The following EFR3B variants were observed in gnomAD, a reference collection of about 807,000 sequenced individuals.
The protein encoded by EFR3B is protein EFR3 homolog B.
A neutral mutation model predicts 104.7 loss-of-function variants in EFR3B; 64 were observed. The observed-to-expected ratio is 0.61, with a 90% confidence interval of 0.50 to 0.75. EFR3B has a LOEUF of 0.75. Ranked by LOEUF, EFR3B falls within the 30% of genes least tolerant of loss-of-function variation. The pLI is 0.00. For synonymous variants in EFR3B, 385 were observed against 417.9 expected, an observed-to-expected ratio of 0.92 and a Z score of 0.96; for missense variants, 750 against 1,078.5, an observed-to-expected ratio of 0.70 and a Z score of 4.27.
chr2:25,114,062 G>T lies in EFR3B; in HGVS notation c.364-7611G>T, dbSNP rs1669796596. ...AAAGGGCTTACTCGCTCTAAAACCG[G>T]AGAGTCCCAACCTCATCTCAGCCAG... On this transcript the variant is annotated intron_variant, in intron 4 of 22. Transcript: ENST00000403714. The surrounding 1 kb of genome is among the most constrained non-coding windows in gnomAD (Gnocchi z 4.0). Among the ~76,000 whole-genome samples, 1 of 152,162 alleles carries T rather than the reference G, an allele frequency of 6.6e-6. No homozygotes were observed. The highest frequency in any genetic ancestry group is 2.4e-5 in the African/African-American group (1 of 41,426).
chr2:25,091,268 C>T, intron 1 of EFR3B, 57 bp from the exon 2 acceptor site: 4 of 1,523,272 alleles, frequency 2.6e-6, no homozygotes, highest in Non-Finnish European at 1.8e-6. Flanking sequence ...CTGGCTCCAA[C>T]CTTTCCTGGG....
At chr2:25,149,813 T>C (rs1254532265) in intron 20 of EFR3B, 71 bp downstream of exon 20, 1 of 1,372,978 alleles carries the variant, frequency 7.3e-7, no homozygotes, top group African/African-American at 1.4e-5. Flanking sequence ...TTCCTGCAGA[T>C]GCAGCAGGAC....
chr2:25,138,523 C>A (rs995022638), intron 15 of EFR3B, among the ~76,000 whole-genome samples: 3 of 152,214 alleles, frequency 2.0e-5, no homozygotes, highest in Non-Finnish European at 4.4e-5. Context: ...GTGACAGTCT[C>A]AGACCACCTG....
rs115061762 is a variant in EFR3B at position 25,115,601 on chromosome 2, A to G, written c.364-6072A>G. On this transcript the variant is annotated intron_variant, in intron 4 of 22. Transcript: ENST00000403714. ...TCTGCACGTTACCTTATATGGAAAC[A>G]GGGTCTTGGCGGCTGTGATTAAATT... Among the ~76,000 whole-genome samples the G allele has an allele frequency of 3.4e-3, 520 of 152,356 alleles. 7 individuals are homozygous for G. The highest frequency in any genetic ancestry group is 0.012 in the African/African-American group (500 of 41,580).
rs6751851 is a variant in EFR3B, at chr2:25,158,279, G to A, written c.*3939G>A. ...GCAGCTGGCCGGTTGGGGTCCTGTGGGAAAGGGCTAACCTGGGCTGTTAGG... is the reference window on the plus strand; with the variant it reads ...GCAGCTGGCCGGTTGGGGTCCTGTGAGAAAGGGCTAACCTGGGCTGTTAGG... On this transcript the variant is annotated 3_prime_UTR_variant, in exon 23 of 23. Coordinates refer to ENST00000403714, the MANE Select transcript of EFR3B (RefSeq NM_014971.2). 17,976 of 152,456 alleles carry A rather than the reference G, an allele frequency of 0.12. 2,007 individuals are homozygous for A. The highest frequency in any genetic ancestry group is 0.31 in the East Asian group (1,606 of 5,174). The allele number at this position is 152,456 out of a possible 1,614,324, so 9.4% of individuals were successfully genotyped here.
chr2:25,113,293 A>G (rs1400276877), intron 4 of EFR3B, among the ~76,000 whole-genome samples: 1 of 152,232 alleles, frequency 6.6e-6, no homozygotes, highest in East Asian at 1.9e-4. Flanking sequence ...GATCTCATGC[A>G]TTAGAACTCG....
rs1671122191 is a variant in EFR3B at position 25,155,021 on chromosome 2, T to TC, written c.*684dup. 6.6e-6 allele frequency: 1 copy of TC among 152,306 alleles called. No individual in the cohort carries two copies. The highest frequency in any genetic ancestry group is 2.4e-5 in the African/African-American group (1 of 41,438). 9.4% of individuals were successfully genotyped at this position (152,306 alleles called of 1,614,324 possible). ...CAGCAGGCCCAGCGGGCGAGTGTGGTCCCTGCAGCAGCTTCCCACCTCCTT... is the reference window on the plus strand; with the variant it reads ...CAGCAGGCCCAGCGGGCGAGTGTGGTCCCCTGCAGCAGCTTCCCACCTCCTT... On this transcript the variant is annotated 3_prime_UTR_variant, in exon 23 of 23. Coordinates refer to ENST00000403714, the MANE Select transcript of EFR3B (RefSeq NM_014971.2).
chr2:25,080,398 G>A (rs1203893302), intron 1 of EFR3B: 29 of 520,370 alleles, frequency 5.6e-5, no homozygotes, highest in African/African-American at 3.3e-4. Context: ...ATGTTCGAGC[G>A]ATTCTGCTGC....
At chr2:25,135,744 T>C in intron 13 of EFR3B, 105 bp downstream of exon 13, 1 of 1,311,664 alleles carries the variant, frequency 7.6e-7, no homozygotes, top group South Asian at 1.4e-5. Context: ...CACCTCAGTA[T>C]CTGAGTATTG....
At chr2:25,098,814 C>G (rs1219281476) in intron 3 of EFR3B, among the ~76,000 whole-genome samples, 1 of 148,666 alleles carries the variant, frequency 6.7e-6, no homozygotes, top group Non-Finnish European at 1.5e-5. Flanking sequence ...CCACTTTCCA[C>G]TCCTGGTAAG....
In EFR3B at chr2:25,130,802, C is replaced by T. The variant is rs1402052830; in HGVS notation, c.849+172C>T. Among the ~76,000 whole-genome samples, 4 of 152,182 alleles carry T rather than the reference C, an allele frequency of 2.6e-5. No individual in the cohort carries two copies. The highest frequency in any genetic ancestry group is 1.9e-4 in the East Asian group (1 of 5,204). On this transcript the variant is annotated intron_variant, in intron 8 of 22. Coordinates refer to ENST00000403714, the MANE Select transcript of EFR3B (RefSeq NM_014971.2). This position sits in a 1 kb window ranked among gnomAD's most constrained non-coding sequence, Gnocchi z 4.6. Reference sequence around the variant, plus strand: ...GAGAAGGGCCGGCTGATTTTATTTCCAGTACATCACAGACCAATACTTTTA... The same window carrying T: ...GAGAAGGGCCGGCTGATTTTATTTCTAGTACATCACAGACCAATACTTTTA...
At chr2:25,088,822 CAGAGGGCTGA>C (rs1340834330) in intron 1 of EFR3B, among the ~76,000 whole-genome samples, 2 of 152,190 alleles carry the variant, frequency 1.3e-5, no homozygotes, top group African/African-American at 4.8e-5. Context: ...CCCCTGCCCT[CAGAGGGCTGA>C]AGAGGTTAGG....
chr2:25,124,390 A>T (rs1223879248), intron 5 of EFR3B, among the ~76,000 whole-genome samples: 1 of 150,078 alleles, frequency 6.7e-6, no homozygotes, highest in Non-Finnish European at 1.5e-5. Flanking sequence ...CAGAGACTTC[A>T]TGGGGCCCTT....
intron 4 of EFR3B, among the ~76,000 whole-genome samples, chr2:25,106,034 T>G (rs1447065905): frequency 6.6e-6 from 1 of 152,268 alleles, no homozygotes; most frequent in Non-Finnish European, 1.5e-5. Context: ...CCTTTTCTCT[T>G]GCTGTCCCTG....
Position 25,131,546 on chromosome 2 carries a change from A to G in EFR3B, c.985+43A>G. 1.3e-6 allele frequency: 2 copies of G among 1,543,986 alleles called. No individual in the cohort carries two copies. On this transcript the variant is annotated intron_variant, in intron 9 of 22. Coordinates refer to ENST00000403714, the MANE Select transcript of EFR3B (RefSeq NM_014971.2). The surrounding 1 kb of genome is among the most constrained non-coding windows in gnomAD (Gnocchi z 7.6). ...GGCCTGAGGGCCGGGGACCCCGCGGAGGCTGCCGCCTCTTACAGAGAGAGG... is the reference window on the plus strand; with the variant it reads ...GGCCTGAGGGCCGGGGACCCCGCGGGGGCTGCCGCCTCTTACAGAGAGAGG...
chr2:25,125,941 A>G (rs911153725), intron 5 of EFR3B, among the ~76,000 whole-genome samples: 2 of 152,244 alleles, frequency 1.3e-5, no homozygotes, highest in African/African-American at 4.8e-5. Flanking sequence ...CTCAAAAAAA[A>G]ACGAAGTTAA....
chr2:25,104,457 T>C (rs1017764758), intron 4 of EFR3B, among the ~76,000 whole-genome samples: 17 of 152,350 alleles, frequency 1.1e-4, no homozygotes, highest in Admixed American at 3.3e-4. Flanking sequence ...TAGCGTTAGA[T>C]TGATGATCTC....
intron 1 of EFR3B, chr2:25,081,267 A>G (rs1363111868): frequency 3.8e-6 from 4 of 1,051,810 alleles, no homozygotes; most frequent in African/African-American, 3.1e-5. Flanking sequence ...GCCACTTTCA[A>G]ATGTTCCTTT....
intron 4 of EFR3B, among the ~76,000 whole-genome samples, chr2:25,112,543 G>A (rs1326431170): frequency 6.6e-6 from 1 of 152,204 alleles, no homozygotes; most frequent in African/African-American, 2.4e-5. Context: ...AAGATGGGAT[G>A]GACTGTGCCT....
Sources: allele counts gnomAD v4.1 joint callset (sites outside exome capture counted in the v4.1 genomes callset), GRCh38; gene constraint gnomAD v4.1.1; non-coding constraint Gnocchi (gnomAD v3.1); transcripts MANE v1.5; gene names NCBI Gene and HGNC (gene_info 2026-07-23, HGNC 2026-07-21).